OSCAR: variants seen among roughly 807,000 people sequenced by gnomAD.
OSCAR encodes the protein osteoclast associated Ig-like receptor, also known as osteoclast-associated immunoglobulin-like receptor.
OSCAR carries 25 observed loss-of-function variants against 27.3 expected under a neutral mutation model. The observed-to-expected ratio is 0.92, with a 90% confidence interval of 0.67 to 1.28. OSCAR has a LOEUF of 1.28. Among genes scored for constraint, OSCAR ranks in the 50% most tolerant of loss-of-function variants. OSCAR has a pLI of 0.00. For missense variants in OSCAR, 354 were observed against 355.1 expected (o/e 1.00, Z 0.03); for synonymous variants, 158 against 165.7 (o/e 0.95, Z 0.36).
At chr19:54,099,340 A>G (rs1371391058) in intron 2 of OSCAR, among the ~76,000 whole-genome samples, 1 of 145,422 alleles carries the variant, frequency 6.9e-6, no homozygotes, top group Non-Finnish European at 1.5e-5. Context: ...AAGTGCTGGG[A>G]TTACAGACGT....
intron 4 of OSCAR, chr19:54,095,582 C>G (rs777826569): frequency 8.2e-6 from 10 of 1,223,428 alleles, no homozygotes; most frequent in Non-Finnish European, 1.1e-5. Context: ...AGTCCTGGGT[C>G]CAGGAAGGAG....
intron 3 of OSCAR, among the ~76,000 whole-genome samples, chr19:54,096,564 C>T (rs1248575555): frequency 9.5e-5 from 13 of 137,008 alleles, no homozygotes; most frequent in African/African-American, 3.6e-4. Flanking sequence ...CTCCCTCTCT[C>T]TCTGCCTGCC....
At chr19:54,095,644 G>A in intron 4 of OSCAR, 1 of 1,002,406 alleles carries the variant, frequency 1.0e-6, no homozygotes. Context: ...TGGGGCCCGG[G>A]AATCCTGGGT....
chr19:54,095,688 G>A, intron 4 of OSCAR, 184 bp downstream of exon 4: 1 of 1,105,316 alleles, frequency 9.0e-7, no homozygotes, highest in Non-Finnish European at 1.3e-6. Flanking sequence ...CTAGACTCCT[G>A]GATCTGAGGG....
In OSCAR at chr19:54,096,116, C is replaced by T. The variant is rs1044444239; in HGVS notation, c.411G>A (p.Gly137=). ...CGTTGGCGCCAGGACCCACCACCGG[C>T]CCGGGCAGCGCCACCAGCGACGGCC... is the stretch of plus-strand genomic sequence containing the variant. The part of the protein sequence containing the change: ...LPRPSLVALP[G]PVVGPGANVS... Residue 137 remains glycine (G), a synonymous_variant, in exon 4 of 5, where the codon GGG becomes GGA. Transcript: ENST00000358375. 2.0e-6 allele frequency: 3 copies of T among 1,527,850 alleles called. No individual in the cohort carries two copies. The highest frequency in any genetic ancestry group is 1.4e-5 in the African/African-American group (1 of 71,884). The allele number at this position is 1,527,850 out of a possible 1,614,324, so 94.6% of individuals were successfully genotyped here.
chr19:54,096,149 C>A lies in OSCAR; in HGVS notation c.378G>T (p.Glu126Asp), dbSNP rs1177666568. The A allele has an allele frequency of 5.3e-6, 8 of 1,519,554 alleles. No individual in the cohort carries two copies. Among genetic ancestry groups the A allele is most frequent in the Non-Finnish European group, 7.0e-6 (8 of 1,140,788 alleles). 94.1% of individuals were successfully genotyped at this position (1,519,554 alleles called of 1,614,324 possible). A position where few individuals can be genotyped will look rare whatever the true frequency, so the allele number is the denominator to read the frequency against. The change falls in exon 4 of 5, where the codon GAG becomes GAT. Residue 126 changes from glutamate to aspartate, a missense_variant. Glu to Asp is a conservative substitution (Grantham distance 45). Coordinates refer to ENST00000358375, the MANE Select transcript of OSCAR (RefSeq NM_133169.6). Reference protein sequence around the residue: ...SDVLELLVTEELPRPSLVALP... With the variant: ...SDVLELLVTEDLPRPSLVALP... Reference sequence around the variant, plus strand: ...GCGCCACCAGCGACGGCCGCGGCAGCTCCTCTGCAGAGACGGGGTGAGAGT... The same window carrying A: ...GCGCCACCAGCGACGGCCGCGGCAGATCCTCTGCAGAGACGGGGTGAGAGT...
At chr19:54,095,838 G>C in intron 4 of OSCAR, 34 bp downstream of exon 4, 1 of 1,551,298 alleles carries the variant, frequency 6.4e-7, no homozygotes, top group Non-Finnish European at 8.7e-7. Context: ...CATTCCTGGG[G>C]CGGAGGAGGC....
chr19:54,095,801 G>A (rs972758123), intron 4 of OSCAR, 71 bp downstream of exon 4: 2 of 1,548,966 alleles, frequency 1.3e-6, no homozygotes, highest in South Asian at 1.2e-5. Flanking sequence ...GGGCTCCTGG[G>A]TCTGAGGGCG....
rs182978328 is a variant in OSCAR, at chr19:54,094,923, C to T, written c.*298G>A. 6.9e-5 allele frequency: 25 copies of T among 363,356 alleles called. No individual in the cohort carries two copies. In the Admixed American group the frequency reaches 1.1e-3, roughly 15 times the overall value. 22.5% of individuals were successfully genotyped at this position (363,356 alleles called of 1,614,324 possible). On this transcript the variant is annotated 3_prime_UTR_variant, in exon 5 of 5. Transcript: ENST00000358375. ...AACCCAGGAAGTCCAGCTGGCTTCACGTCTCACTACTACCTTTCTGTAGCT... is the reference window on the plus strand; with the variant it reads ...AACCCAGGAAGTCCAGCTGGCTTCATGTCTCACTACTACCTTTCTGTAGCT...
At chr19:54,097,485 A>G (rs1424513738) in intron 2 of OSCAR, among the ~76,000 whole-genome samples, 2 of 149,712 alleles carry the variant, frequency 1.3e-5, no homozygotes, top group South Asian at 2.1e-4. Flanking sequence ...CGGTCTCCCT[A>G]TGTTGAGCAG....
At chr19:54,099,214 C>A (rs1230735572) in intron 2 of OSCAR, among the ~76,000 whole-genome samples, 1 of 135,376 alleles carries the variant, frequency 7.4e-6, no homozygotes, top group East Asian at 2.7e-4. Context: ...AGGTGCGTCC[C>A]ACCACACCCG....
At chr19:54,095,666 G>A (rs587692968) in intron 4 of OSCAR, 2 of 1,027,296 alleles carry the variant, frequency 1.9e-6, no homozygotes, top group African/African-American at 3.3e-5. Context: ...TGAGGGAGGA[G>A]GAGCTGGAGG....
In OSCAR at chr19:54,096,030, A is replaced by C; in HGVS notation, c.497T>G (p.Val166Gly). ...GTGGCGGTACTGCAGCGGGGCCGCC[A>C]CGCCCTCGCGGTACAGCACGAAGCT... ...NMSFVLYREGVAAPLQYRHSA... is the reference protein window; with the variant it reads ...NMSFVLYREGGAAPLQYRHSA... The change falls in exon 4 of 5, where the codon GTG becomes GGG. Residue 166 changes from valine (V) to glycine (G), a missense_variant. Coordinates refer to ENST00000358375, the MANE Select transcript of OSCAR (RefSeq NM_133169.6). The C allele has an allele frequency of 6.4e-7, 1 of 1,563,152 alleles. No individual in the cohort carries two copies. The highest frequency in any genetic ancestry group is 8.6e-7 in the Non-Finnish European group (1 of 1,157,260).
chr19:54,096,091 C>A lies in OSCAR; in HGVS notation c.436G>T (p.Val146Leu), dbSNP rs759962654. 56 of 1,533,004 alleles carry A rather than the reference C, an allele frequency of 3.7e-5. No homozygotes were observed. The Middle Eastern group carries it at 1.3e-3, about 35-fold the overall frequency. 95.0% of individuals were successfully genotyped at this position (1,533,004 alleles called of 1,614,324 possible). A position where few individuals can be genotyped will look rare whatever the true frequency, so the allele number is the denominator to read the frequency against. Residue 146 changes from valine (V) to leucine (L), a missense_variant, in exon 4 of 5, where the codon GTG (valine) becomes TTG (leucine). Physicochemically the swap from Val to Leu is conservative, Grantham distance 32. Coordinates refer to ENST00000358375, the MANE Select transcript of OSCAR (RefSeq NM_133169.6). The part of the protein sequence containing the change: ...PGPVVGPGAN[V>L]SLRCAGRLRN... ...AGGCGGCCCGCGCAGCGCAGGCTCA[C>A]GTTGGCGCCAGGACCCACCACCGGC...
chr19:54,096,850 C>G lies in OSCAR; in HGVS notation c.373+12G>C. ...TTCCACCCACTTCTCCTCCCCGACC[C>G]CAGGACCTCACCTGTCACCAGCAGC... On this transcript the variant is annotated intron_variant, in intron 3 of 4. Transcript: ENST00000358375. 6.2e-7 allele frequency: 1 copy of G among 1,609,668 alleles called. No individual in the cohort carries two copies. Among genetic ancestry groups the G allele is most frequent in the Non-Finnish European group, 8.5e-7 (1 of 1,177,366 alleles).
chr19:54,098,610 G>C (rs1426692184), intron 2 of OSCAR, among the ~76,000 whole-genome samples: 1 of 151,984 alleles, frequency 6.6e-6, no homozygotes, highest in African/African-American at 2.4e-5. Flanking sequence ...TCTGAGCCCA[G>C]GAATTCAAAG....
chr19:54,099,927 C>G, intron 1 of OSCAR, 147 bp from the exon 2 acceptor site: 2 of 951,262 alleles, frequency 2.1e-6, no homozygotes, highest in Non-Finnish European at 3.1e-6. Flanking sequence ...ATTCTCCTGC[C>G]TCAGCCTCCG....
chr19:54,096,689 CT>C (rs2072745719), intron 3 of OSCAR, among the ~76,000 whole-genome samples, 172 bp downstream of exon 3: 1 of 151,214 alleles, frequency 6.6e-6, no homozygotes, highest in Non-Finnish European at 1.5e-5. Context: ...GTACCTCTCT[CT>C]CTCTCTGCTC....
intron 2 of OSCAR, 95 bp downstream of exon 2, chr19:54,099,653 G>A (rs1186831945): frequency 6.2e-7 from 1 of 1,613,730 alleles, no homozygotes; most frequent in South Asian, 1.1e-5. Context: ...GGAAAATAAG[G>A]ATATCTGGGA....
Sources: allele counts gnomAD v4.1 joint callset (sites outside exome capture counted in the v4.1 genomes callset), GRCh38; gene constraint gnomAD v4.1.1; transcripts MANE v1.5; gene names NCBI Gene and HGNC (gene_info 2026-07-23, HGNC 2026-07-21).